Variants in NUP155 observed in about 807,000 individuals in gnomAD.
NUP155 encodes the protein nuclear pore complex protein Nup155.
NUP155 carries 71 observed loss-of-function variants against 180.4 expected under a neutral mutation model. That is an observed-to-expected ratio of 0.39 (90% CI 0.33 to 0.48). The LOEUF is 0.48. NUP155 is among the 20% of genes least tolerant of loss of function. The pLI is 0.91. For missense variants in NUP155, 1,553 were observed against 1,648.9 expected (o/e 0.94, Z 1.01); for synonymous variants, 582 against 559.5 (o/e 1.04, Z -0.57).
chr5:37,315,936 G>A (rs541036374), intron 21 of NUP155, among the ~76,000 whole-genome samples: 38 of 152,230 alleles, frequency 2.5e-4, no homozygotes, highest in African/African-American at 6.5e-4. Flanking sequence ...GTGAAACTCC[G>A]TCTCAAAAAG....
intron 21 of NUP155, among the ~76,000 whole-genome samples, chr5:37,315,035 C>T (rs1037624981): frequency 2.6e-5 from 4 of 152,106 alleles, no homozygotes; most frequent in African/African-American, 4.8e-5. Context: ...AGTTCAAGAC[C>T]GGCCTGGCCA....
chr5:37,294,554 G>C (rs1323729959), intron 32 of NUP155, 89 bp from the exon 33 acceptor site: 1 of 1,316,006 alleles, frequency 7.6e-7, no homozygotes, highest in African/African-American at 1.5e-5. Context: ...AGTTTCTAGG[G>C]GGATATCTTC....
Position 37,314,297 on chromosome 5 carries a change from CTGAAG to C in NUP155, c.2332_2336del (p.Leu778GlyfsTer21). 6.2e-7 allele frequency: 1 copy of C among 1,609,444 alleles called. No homozygotes were observed. The highest frequency in any genetic ancestry group is 8.5e-7 in the Non-Finnish European group (1 of 1,176,208). On this transcript the variant is annotated frameshift_variant, in exon 22 of 35. Coordinates refer to ENST00000231498, the MANE Select transcript of NUP155 (RefSeq NM_153485.3). LOFTEE classifies it high-confidence loss of function. The stretch of plus-strand genomic sequence containing the variant: ...ATTTTCGAACCAACTGCTGAATTGC[CTGAAG>C]TGAAATCTTTTCACTTAGTTGAGCC...
Position 37,327,688 on chromosome 5 carries a change from T to C in NUP155, c.1965A>G (p.Pro655=), listed in dbSNP as rs757577892. 4.3e-6 allele frequency: 7 copies of C among 1,614,114 alleles called. No homozygotes were observed. The Admixed American group carries it at 5.0e-5, about 12-fold the overall frequency. ...TGTGTTTTCCAGAGTACACAATCTC[T>C]GGTCCAGTCACACAACTCATATTTG... ...QATNMSCVTG[P]EIVYSGKHNG... The change falls in exon 18 of 35, where the codon CCA becomes CCG. Residue 655 remains proline (P), a synonymous_variant. Coordinates refer to ENST00000231498, the MANE Select transcript of NUP155 (RefSeq NM_153485.3).
intron 32 of NUP155, among the ~76,000 whole-genome samples, chr5:37,295,937 C>T (rs1263710374): frequency 1.8e-4 from 27 of 148,718 alleles, no homozygotes; most frequent in Admixed American, 1.7e-3. Context: ...CGCCTCTGCC[C>T]GGCCGCCCCT....
intron 32 of NUP155, among the ~76,000 whole-genome samples, chr5:37,298,229 C>T (rs2150939175): frequency 1.3e-5 from 2 of 148,336 alleles, no homozygotes; most frequent in African/African-American, 5.1e-5. Flanking sequence ...CAGAGAAAGC[C>T]TCTGTCTCAA....
At chr5:37,325,768 CA>C (rs58741619) in intron 19 of NUP155, 132 bp downstream of exon 19, 51,367 of 352,338 alleles carry the variant, frequency 0.15, 8 homozygotes, top group East Asian at 0.21. Context: ...GACTCTGTCT[CA>C]AAAAAAAAAA....
At chr5:37,338,406 C>A (rs1353447690) in intron 11 of NUP155, among the ~76,000 whole-genome samples, 1 of 149,898 alleles carries the variant, frequency 6.7e-6, no homozygotes, top group African/African-American at 2.5e-5. Context: ...CACACAACAT[C>A]AATCTTTTTT....
chr5:37,350,744 A>G (rs1217226965), intron 6 of NUP155, among the ~76,000 whole-genome samples: 1 of 151,024 alleles, frequency 6.6e-6, no homozygotes, highest in Non-Finnish European at 1.5e-5. Context: ...TGGAGGTTGC[A>G]GTGAGCTAAG....
At chr5:37,334,934 C>T (rs1745222645) in intron 12 of NUP155, among the ~76,000 whole-genome samples, 2 of 151,734 alleles carry the variant, frequency 1.3e-5, no homozygotes, top group East Asian at 1.9e-4. Context: ...TGGAGGCGGG[C>T]GGTACCCGAG....
intron 29 of NUP155, among the ~76,000 whole-genome samples, chr5:37,301,839 T>A (rs548230819): frequency 3.9e-5 from 6 of 152,320 alleles, no homozygotes; most frequent in Admixed American, 3.9e-4. Flanking sequence ...GGTATGGCCA[T>A]ACAACCAAGT....
intron 32 of NUP155, among the ~76,000 whole-genome samples, chr5:37,295,231 T>C (rs1385283917): frequency 6.6e-6 from 1 of 152,118 alleles, no homozygotes; most frequent in African/African-American, 2.4e-5. Context: ...ATTTTTTGGG[T>C]GGAGACGGGG....
chr5:37,293,078 A>C, intron 33 of NUP155, 93 bp from the exon 34 acceptor site: 1 of 847,096 alleles, frequency 1.2e-6, no homozygotes, highest in South Asian at 1.4e-5. Context: ...GGATCCATGC[A>C]AAACTTATCG....
intron 4 of NUP155, among the ~76,000 whole-genome samples, chr5:37,357,741 C>T (rs974143726): frequency 3.3e-5 from 5 of 152,170 alleles, no homozygotes; most frequent in African/African-American, 1.2e-4. Context: ...CATCTGTAAT[C>T]CCAGCACTTT....
chr5:37,302,831 G>A lies in NUP155; in HGVS notation c.3395C>T (p.Ser1132Leu), dbSNP rs781306807. The A allele has an allele frequency of 2.5e-6, 4 of 1,613,842 alleles. No homozygotes were observed. The highest frequency in any genetic ancestry group is 3.4e-6 in the Non-Finnish European group (4 of 1,179,912). The change falls in exon 29 of 35, where the codon TCA becomes TTA. Residue 1132 changes from serine (S) to leucine (L), a missense_variant. Ser to Leu is a moderately radical substitution (Grantham distance 145, BLOSUM62 -2). Coordinates refer to ENST00000231498, the MANE Select transcript of NUP155 (RefSeq NM_153485.3). Reference protein sequence around the residue: ...ILSAKSSTAISSIAADGEFLH... With the variant: ...ILSAKSSTAILSIAADGEFLH... ...AAATTCACCATCGGCAGCTATTGAT[G>A]AAATGGCAGTGGAACTTTTGGCACT...
rs185332658 is a variant in NUP155 at position 37,370,252 on chromosome 5, A to T, written c.157+569T>A. On this transcript the variant is annotated intron_variant, in intron 1 of 34. Coordinates refer to ENST00000231498, the MANE Select transcript of NUP155 (RefSeq NM_153485.3). ...CCGGGCTTGGTGGCAGGCGCCTGTA[A>T]TCTCAGCTACTTGGGAGTCTGAGGC... Among the ~76,000 whole-genome samples the T allele has an allele frequency of 4.7e-3, 716 of 152,292 alleles. 3 individuals are homozygous for T. Among genetic ancestry groups the T allele is most frequent in the African/African-American group, 0.016 (655 of 41,578 alleles).
intron 22 of NUP155, among the ~76,000 whole-genome samples, chr5:37,313,885 G>C (rs1216221302): frequency 6.6e-6 from 1 of 152,122 alleles, no homozygotes; most frequent in Admixed American, 6.6e-5. Flanking sequence ...ATTTCTTTAA[G>C]GGTAGTGAGA....
intron 12 of NUP155, among the ~76,000 whole-genome samples, chr5:37,336,624 C>T (rs1235783535): frequency 6.6e-6 from 1 of 152,084 alleles, no homozygotes; most frequent in Non-Finnish European, 1.5e-5. Context: ...CCCAACACAG[C>T]ATCCCAACCA....
intron 10 of NUP155, among the ~76,000 whole-genome samples, chr5:37,342,134 G>A (rs1014420561): frequency 2.6e-5 from 4 of 152,098 alleles, no homozygotes; most frequent in Admixed American, 2.0e-4. Context: ...AAACTCCTGG[G>A]CTCAAGTGAT....
Sources: allele counts gnomAD v4.1 joint callset (sites outside exome capture counted in the v4.1 genomes callset), GRCh38; gene constraint gnomAD v4.1.1; transcripts MANE v1.5; gene names NCBI Gene and HGNC (gene_info 2026-07-23, HGNC 2026-07-21).